The following SORCS2 variants were observed in gnomAD, a reference collection of about 807,000 sequenced individuals.
SORCS2 encodes the protein VPS10 domain-containing receptor SorCS2.
In SORCS2, 100 loss-of-function variants were observed where a neutral mutation model predicts 141.6. The observed-to-expected ratio is 0.71, with a 90% CI of 0.60 to 0.83. The LOEUF (loss-of-function observed/expected upper bound fraction) is 0.83, where lower values mean the gene tolerates loss of function less well. SORCS2 is among the 40% of genes least tolerant of loss of function. The probability of loss-of-function intolerance (pLI) is 0.00; values close to 1 mark genes in which losing one functional copy is unlikely to be tolerated. For synonymous variants in SORCS2, 789 were observed against 676.9 expected (o/e 1.17, Z -2.57); for missense variants, 1,646 against 1,560.2 (o/e 1.05, Z -0.93).
chr4:7,636,803 C>T (rs137951378), intron 3 of SORCS2, among the ~76,000 whole-genome samples: 60 of 152,120 alleles, frequency 3.9e-4, no homozygotes, highest in Admixed American at 4.6e-4. Flanking sequence ...TTGGGGTTGC[C>T]GTTGCAAAGA....
chr4:7,639,533 G>GC (rs1720502349), intron 4 of SORCS2, among the ~76,000 whole-genome samples: 1 of 136,568 alleles, frequency 7.3e-6, no homozygotes. Flanking sequence ...GGATGTGGGG[G>GC]GGTGTTAGTG....
intron 1 of SORCS2, among the ~76,000 whole-genome samples, chr4:7,253,979 T>C (rs1452923912): frequency 6.6e-6 from 1 of 152,130 alleles, no homozygotes; most frequent in Admixed American, 6.5e-5. Flanking sequence ...TAAGATATCA[T>C]CTCACCCCAG....
At chr4:7,666,933 T>C (rs1239051175) in intron 7 of SORCS2, among the ~76,000 whole-genome samples, 191 bp from the exon 8 acceptor site, 1 of 152,082 alleles carries the variant, frequency 6.6e-6, no homozygotes, top group Non-Finnish European at 1.5e-5. Flanking sequence ...AGAAGACAAC[T>C]TCCCAGAGGA....
chr4:7,429,901 C>A (rs10021546), intron 2 of SORCS2, among the ~76,000 whole-genome samples: 1 of 152,124 alleles, frequency 6.6e-6, no homozygotes, highest in Non-Finnish European at 1.5e-5. Flanking sequence ...CCCTGTCTCA[C>A]GGTGACTGTG....
At position 7,434,003 on chromosome 4, in the gene SORCS2, T is replaced by A. The variant is rs1246297846; in HGVS notation, c.548+37648T>A. 1.2e-5 allele frequency: 20 copies of A among 1,612,942 alleles called. 1 individual carries two copies. The South Asian group carries it at 2.2e-4, about 18-fold the overall frequency. Reference sequence around the variant, plus strand: ...ACCACGTTCATGCACACCTCACAGGTCACACCGGCCTTCATCTGCATCTCG... The same window carrying A: ...ACCACGTTCATGCACACCTCACAGGACACACCGGCCTTCATCTGCATCTCG... On this transcript the variant is annotated intron_variant, in intron 2 of 26. Transcript: ENST00000507866.
Position 7,551,167 on chromosome 4 carries a change from T to C in SORCS2, c.648+19538T>C, listed in dbSNP as rs909865404. On this transcript the variant is annotated intron_variant, in intron 3 of 26. Coordinates refer to ENST00000507866, the MANE Select transcript of SORCS2 (RefSeq NM_020777.3). The stretch of plus-strand genomic sequence containing the variant: ...TATTTTCCAAAGTGATTGAAATTCT[T>C]AAGGGAAAATTGGTTTGATATTGTT... Among the ~76,000 whole-genome samples the C allele has an allele frequency of 4.6e-5, 7 of 152,200 alleles. No homozygotes were observed. In the East Asian group the frequency reaches 1.3e-3, roughly 29 times the overall value.
In SORCS2 at chr4:7,556,773, C is replaced by G. The variant is rs1234032811; in HGVS notation, c.648+25144C>G. On this transcript the variant is annotated intron_variant, in intron 3 of 26. Transcript: ENST00000507866. ...ATCTACCTACCACCCATTCACCCAC[C>G]ACCTACCCACCCACACATCCATCCA... is the stretch of plus-strand genomic sequence containing the variant. 4.6e-5 allele frequency among the ~76,000 whole-genome samples: 7 copies of G among 150,876 alleles called. No individual in the cohort carries two copies. In the South Asian group the frequency reaches 8.5e-4, roughly 18 times the overall value.
At chr4:7,639,523 G>A (rs958285011) in intron 4 of SORCS2, among the ~76,000 whole-genome samples, 1 of 108,248 alleles carries the variant, frequency 9.2e-6, no homozygotes, top group East Asian at 8.8e-4. Flanking sequence ...TGGGTTTGTG[G>A]GATGTGGGGG....
Position 7,714,416 on chromosome 4 carries a change from G to A in SORCS2, c.2123+43G>A. On this transcript the variant is annotated intron_variant, in intron 16 of 26. Coordinates refer to ENST00000507866, the MANE Select transcript of SORCS2 (RefSeq NM_020777.3). ...GGCCACGAGGCCTCAGGCGCTGCTT[G>A]AGCATCCTCACAGCATGGCGGCCAC... 4.6e-6 allele frequency: 7 copies of A among 1,536,530 alleles called. No individual in the cohort carries two copies. The South Asian group carries it at 8.4e-5, about 18-fold the overall frequency.
rs373092544 is a variant in SORCS2, at chr4:7,718,132, G to A, written c.2373G>A (p.Ala791=). The change falls in exon 18 of 27, where the codon GCG becomes GCA. Residue 791 remains alanine (A), a synonymous_variant. Coordinates refer to ENST00000507866, the MANE Select transcript of SORCS2 (RefSeq NM_020777.3). Reference sequence around the variant, plus strand: ...TGCAGGTCAGCATTCAAGGCGAGGCGGTGGCCGTGCGGCCTGGAGAGGACG... The same window carrying A: ...TGCAGGTCAGCATTCAAGGCGAGGCAGTGGCCGTGCGGCCTGGAGAGGACG... ...RGLQVSIQGE[A]VAVRPGEDVL... 4.5e-5 allele frequency: 72 copies of A among 1,611,964 alleles called. No individual in the cohort carries two copies. Among genetic ancestry groups the A allele is most frequent in the Middle Eastern group, 1.7e-4 (1 of 5,930 alleles).
Position 7,525,762 on chromosome 4 carries a change from A to G in SORCS2, c.549-5768A>G, listed in dbSNP as rs148255032. On this transcript the variant is annotated intron_variant, in intron 2 of 26. Transcript: ENST00000507866. ...CTGCAGTCACCTGTGCCCTCCTGCA[A>G]TCACCTGTCCCCTCCTGCAGTCACC... Among the ~76,000 whole-genome samples the G allele has an allele frequency of 1.3e-4, 11 of 86,474 alleles. No individual in the cohort carries two copies. In the East Asian group the frequency reaches 2.2e-3, roughly 18 times the overall value. 56.7% of individuals were successfully genotyped at this position (86,474 alleles called of 152,430 possible).
intron 2 of SORCS2, among the ~76,000 whole-genome samples, chr4:7,469,080 G>T (rs6849157): frequency 0.64 from 96,419 of 151,656 alleles, 31,606 homozygotes; most frequent in Non-Finnish European, 0.73. Context: ...ACATGATGGT[G>T]ATTATAGTGA....
chr4:7,602,290 C>T (rs1281499389), intron 3 of SORCS2, among the ~76,000 whole-genome samples: 4 of 151,174 alleles, frequency 2.6e-5, no homozygotes, highest in East Asian at 2.0e-4. Flanking sequence ...GGTGGCTGGC[C>T]GGGCGGGGGC....
At chr4:7,738,499 T>C (rs1712382918) in intron 26 of SORCS2, among the ~76,000 whole-genome samples, 1 of 152,142 alleles carries the variant, frequency 6.6e-6, no homozygotes, top group Non-Finnish European at 1.5e-5. Flanking sequence ...TGTTCTCTCT[T>C]AATCCCCATC....
chr4:7,568,363 G>A (rs1195550273), intron 3 of SORCS2, among the ~76,000 whole-genome samples: 16 of 152,278 alleles, frequency 1.1e-4, no homozygotes, highest in Middle Eastern at 6.8e-3. Flanking sequence ...ACCTAATAGC[G>A]TAGGTATTCT....
intron 1 of SORCS2, among the ~76,000 whole-genome samples, chr4:7,374,108 AT>A (rs1722452821): frequency 6.9e-6 from 1 of 145,078 alleles, no homozygotes; most frequent in Non-Finnish European, 1.5e-5. Context: ...TAGGATTGAG[AT>A]TCTTTCTTTC....
chr4:7,372,756 GC>G (rs1469790224), intron 1 of SORCS2, among the ~76,000 whole-genome samples: 9 of 151,666 alleles, frequency 5.9e-5, no homozygotes, highest in Admixed American at 5.3e-4. Context: ...CCACCCCCAA[GC>G]CCTGGACCCC....
chr4:7,700,301 T>G (rs1325881910), intron 12 of SORCS2, among the ~76,000 whole-genome samples: 2 of 152,214 alleles, frequency 1.3e-5, no homozygotes, highest in Non-Finnish European at 2.9e-5. Flanking sequence ...GGCCTGAAAC[T>G]GGGCTCGAGG....
chr4:7,705,830 G>C (rs540113332), intron 14 of SORCS2, among the ~76,000 whole-genome samples: 1 of 152,250 alleles, frequency 6.6e-6, no homozygotes, highest in Non-Finnish European at 1.5e-5. Context: ...CCGCCCAAGA[G>C]TGCCTGACCC....
Sources: allele counts gnomAD v4.1 joint callset (sites outside exome capture counted in the v4.1 genomes callset), GRCh38; gene constraint gnomAD v4.1.1; transcripts MANE v1.5; gene names NCBI Gene and HGNC (gene_info 2026-07-23, HGNC 2026-07-21).